ZBP1: variants seen among roughly 807,000 people sequenced by gnomAD.
ZBP1 encodes the protein Z-DNA-binding protein 1.
ZBP1 carries 42 observed loss-of-function variants against 41.1 expected under a neutral mutation model. That is an observed-to-expected ratio of 1.02 (90% CI 0.80 to 1.32). The LOEUF (loss-of-function observed/expected upper bound fraction) is 1.32. Ranked by LOEUF, ZBP1 falls within the 40% of genes most tolerant of loss-of-function variation. The pLI is 0.00. For missense variants in ZBP1, 562 were observed against 549.7 expected (o/e 1.02, Z -0.22); for synonymous variants, 214 against 205.2 (o/e 1.04, Z -0.37).
intron 1 of ZBP1, 75 bp downstream of exon 1, chr20:57,620,187 G>C (rs554234833): frequency 6.6e-7 from 1 of 1,513,794 alleles, no homozygotes; most frequent in Non-Finnish European, 9.0e-7. Context: ...TGGACCAAGC[G>C]AAACAGGAGG....
rs368381627 is a variant in ZBP1, at chr20:57,610,126, G to A, written c.1093+23C>T. On this transcript the variant is annotated intron_variant, in intron 7 of 7. Coordinates refer to ENST00000371173, the MANE Select transcript of ZBP1 (RefSeq NM_030776.3). The surrounding 1 kb of genome is among the most constrained non-coding windows in gnomAD (Gnocchi z 5.5). ...GGGGAGAGAGAGAGAACACACAGGG[G>A]TCCACTCTGCCCCCTAGCTCACCTG... 1 of 1,603,148 alleles carries A rather than the reference G, an allele frequency of 6.2e-7. No individual in the cohort carries two copies. The highest frequency in any genetic ancestry group is 8.5e-7 in the Non-Finnish European group (1 of 1,171,322).
intron 2 of ZBP1, 25 bp from the exon 3 acceptor site, chr20:57,615,605 G>A: frequency 1.2e-6 from 2 of 1,607,236 alleles, no homozygotes; most frequent in Non-Finnish European, 1.7e-6. Flanking sequence ...ATGGGTCAGA[G>A]GGGTGGGGGA....
chr20:57,610,882 C>A lies in ZBP1; in HGVS notation c.875-515G>T, dbSNP rs1249775593. Among the ~76,000 whole-genome samples the A allele has an allele frequency of 6.6e-6, 1 of 151,720 alleles. No homozygotes were observed. The highest frequency in any genetic ancestry group is 1.5e-5 in the Non-Finnish European group (1 of 67,932). On this transcript the variant is annotated intron_variant, in intron 6 of 7. Coordinates refer to ENST00000371173, the MANE Select transcript of ZBP1 (RefSeq NM_030776.3). This position sits in a 1 kb window ranked among gnomAD's most constrained non-coding sequence, Gnocchi z 5.5. ...ACCACCCCCTCAAGGTTACCACGAT[C>A]CCTCTCGCTGAACCCCACAGATGCT...
intron 1 of ZBP1, chr20:57,617,547 C>CTGAG: frequency 6.6e-6 from 1 of 152,508 alleles, no homozygotes; most frequent in East Asian, 1.9e-4. Flanking sequence ...GTATGAGTGA[C>CTGAG]TGAGTGAATG....
At chr20:57,615,485 G>A (rs1257720561) in intron 3 of ZBP1, 27 bp downstream of exon 3, 9 of 1,610,826 alleles carry the variant, frequency 5.6e-6, no homozygotes, top group Non-Finnish European at 6.8e-6. Context: ...TGTGTCCCGG[G>A]AACTGAAGGG....
rs140092794 is a variant in ZBP1, at chr20:57,607,192, GA to G, written c.1094-2424del. ...TCTACATGCCGTTAAGAACATTTGT[GA>G]TTCATGGGAGGAGGTCAAACTATCA... is the stretch of plus-strand genomic sequence containing the variant. On this transcript the variant is annotated intron_variant, in intron 7 of 7. Transcript: ENST00000371173. The G allele has an allele frequency of 6.8e-3, 8,868 of 1,304,104 alleles. 43 individuals are homozygous for G. The highest frequency in any genetic ancestry group is 7.7e-3 in the Non-Finnish European group (7,630 of 988,922). The allele number at this position is 1,304,104 out of a possible 1,614,324, so 80.8% of individuals were successfully genotyped here.
intron 2 of ZBP1, chr20:57,615,864 A>G (rs2070809835): frequency 1.9e-6 from 1 of 530,532 alleles, no homozygotes; most frequent in Non-Finnish European, 3.3e-6. Context: ...TGCATGATAA[A>G]TGGCAGCTCC....
At chr20:57,614,759 T>C (rs778040385) in intron 4 of ZBP1, 128 bp downstream of exon 4, 25 of 1,267,724 alleles carry the variant, frequency 2.0e-5, no homozygotes, top group Non-Finnish European at 2.6e-5. Flanking sequence ...TTGCAGTGAA[T>C]TGTCGGTAGG....
intron 5 of ZBP1, chr20:57,612,905 T>G: frequency 7.5e-7 from 1 of 1,340,514 alleles, no homozygotes; most frequent in Non-Finnish European, 9.5e-7. Flanking sequence ...TTTTAAAATT[T>G]TATTAGAAAA....
Position 57,604,486 on chromosome 20 carries a change from C to A in ZBP1, c.*87G>T, listed in dbSNP as rs151100341. The A allele has an allele frequency of 4.6e-6, 7 of 1,512,234 alleles. No individual in the cohort carries two copies. In the East Asian group the frequency reaches 1.4e-4, roughly 29 times the overall value. The allele number at this position is 1,512,234 out of a possible 1,614,324, so 93.7% of individuals were successfully genotyped here. ...CTGGAAGCAAGCAGGTCAAACAAGA[C>A]GCTAAGGAATGCAGAGAGCAGCAGG... On this transcript the variant is annotated 3_prime_UTR_variant, in exon 8 of 8. Coordinates refer to ENST00000371173, the MANE Select transcript of ZBP1 (RefSeq NM_030776.3).
At chr20:57,606,361 G>C (rs1162760160) in intron 7 of ZBP1, among the ~76,000 whole-genome samples, 1 of 152,166 alleles carries the variant, frequency 6.6e-6, no homozygotes, top group Non-Finnish European at 1.5e-5. Flanking sequence ...GCAGAGGTTG[G>C]TTCATGAGGT....
Position 57,610,413 on chromosome 20 carries a change from A to G in ZBP1, c.875-46T>C. 6.2e-7 allele frequency: 1 copy of G among 1,604,184 alleles called. No homozygotes were observed. The highest frequency in any genetic ancestry group is 8.5e-7 in the Non-Finnish European group (1 of 1,171,874). ...GGCCTGGAGCCAGGAGCAGCTGGAC[A>G]GTGGCCGGGAACCCTGACCCCCAGC... On this transcript the variant is annotated intron_variant, in intron 6 of 7. Transcript: ENST00000371173. The surrounding 1 kb of genome is among the most constrained non-coding windows in gnomAD (Gnocchi z 5.5).
At chr20:57,619,836 ATT>A (rs940213839) in intron 1 of ZBP1, among the ~76,000 whole-genome samples, 7 of 134,228 alleles carry the variant, frequency 5.2e-5, no homozygotes, top group African/African-American at 8.2e-5. Context: ...GTCCCTTTCT[ATT>A]TTTTTTTTTT....
chr20:57,611,883 A>T lies in ZBP1; in HGVS notation c.718T>A (p.Ser240Thr). The T allele has an allele frequency of 6.3e-7, 1 of 1,576,022 alleles. No homozygotes were observed. Among genetic ancestry groups the T allele is most frequent in the Admixed American group, 1.9e-5 (1 of 53,796 alleles). Residue 240 changes from serine to threonine, a missense_variant, in exon 6 of 8, where the codon TCA becomes ACA. Ser to Thr is a moderately conservative substitution (Grantham distance 58). Transcript: ENST00000371173. ...HLPSMAPGDS[S>T]TWGTLVDPWG... Reference sequence around the variant, plus strand: ...GGATCAACTAGGGTCCCCCAAGTTGAGGAATCACCTGGTGCCATTGAAGGG... The same window carrying T: ...GGATCAACTAGGGTCCCCCAAGTTGTGGAATCACCTGGTGCCATTGAAGGG...
In ZBP1 at chr20:57,611,892, C is replaced by G. The variant is rs374181036; in HGVS notation, c.709G>C (p.Gly237Arg). The change falls in exon 6 of 8, where the codon GGT becomes CGT. Residue 237 changes from glycine (G) to arginine (R), a missense_variant. By Grantham distance (125) the Gly-to-Arg change is moderately radical. Coordinates refer to ENST00000371173, the MANE Select transcript of ZBP1 (RefSeq NM_030776.3). ...AGGGTCCCCCAAGTTGAGGAATCAC[C>G]TGGTGCCATTGAAGGGAGGTGGCGT... ...GPRHLPSMAP[G>R]DSSTWGTLVD... 6.4e-7 allele frequency: 1 copy of G among 1,571,766 alleles called. No homozygotes were observed. The highest frequency in any genetic ancestry group is 8.6e-7 in the Non-Finnish European group (1 of 1,157,950).
At chr20:57,619,267 G>T (rs868376361) in intron 1 of ZBP1, among the ~76,000 whole-genome samples, 1 of 152,180 alleles carries the variant, frequency 6.6e-6, no homozygotes, top group African/African-American at 2.4e-5. Context: ...AATTCTGATG[G>T]CTGATTTCCT....
rs1013969461 is a variant in ZBP1 at position 57,612,033 on chromosome 20, C to T, written c.671-103G>A. ...TGTCCTCTGAATTCTTCCTGGACAC[C>T]ATCGAACTGGCGGCCAAAGACTTCA... On this transcript the variant is annotated intron_variant, in intron 5 of 7. Transcript: ENST00000371173. 1.0e-5 allele frequency: 13 copies of T among 1,281,528 alleles called. No homozygotes were observed. In the African/African-American group the frequency reaches 1.9e-4, roughly 19 times the overall value. The allele number at this position is 1,281,528 out of a possible 1,614,324, so 79.4% of individuals were successfully genotyped here.
In ZBP1 at chr20:57,620,369, G is replaced by A. The variant is rs1232523638; in HGVS notation, c.-74C>T. 2.0e-6 allele frequency: 3 copies of A among 1,524,240 alleles called. No homozygotes were observed. In the African/African-American group the frequency reaches 4.2e-5, roughly 21 times the overall value. 94.4% of individuals were successfully genotyped at this position (1,524,240 alleles called of 1,614,324 possible). On this transcript the variant is annotated 5_prime_UTR_variant, in exon 1 of 8. Transcript: ENST00000371173. ...TTCTGCACTGTGGCCCTGAGAGGGTGGGCTAGGTCGAGGCTGGGGCTTCTG... is the reference window on the plus strand; with the variant it reads ...TTCTGCACTGTGGCCCTGAGAGGGTAGGCTAGGTCGAGGCTGGGGCTTCTG...
chr20:57,612,036 C>T (rs1238123256), intron 5 of ZBP1, 106 bp from the exon 6 acceptor site: 20 of 1,257,090 alleles, frequency 1.6e-5, no homozygotes, highest in Admixed American at 1.3e-4. Context: ...TGGACACCAT[C>T]GAACTGGCGG....
Sources: allele counts gnomAD v4.1 joint callset (sites outside exome capture counted in the v4.1 genomes callset), GRCh38; gene constraint gnomAD v4.1.1; non-coding constraint Gnocchi (gnomAD v3.1); transcripts MANE v1.5; gene names NCBI Gene and HGNC (gene_info 2026-07-23, HGNC 2026-07-21).